The following ERAP1 variants were observed in gnomAD, a reference collection of about 807,000 sequenced individuals.
ERAP1 encodes endoplasmic reticulum aminopeptidase 1.
A neutral mutation model predicts 103.7 loss-of-function variants in ERAP1; 86 were observed. The observed-to-expected ratio is 0.83, with a 90% CI of 0.70 to 0.99. The LOEUF (loss-of-function observed/expected upper bound fraction) is 0.99. Among genes scored for constraint, ERAP1 ranks in the 50% least tolerant of loss-of-function variants. ERAP1 has a pLI of 0.00. For synonymous variants in ERAP1, 398 were observed against 402.4 expected, an observed-to-expected ratio of 0.99 and a Z score of 0.13; for missense variants, 1,009 against 1,128.4, an observed-to-expected ratio of 0.89 and a Z score of 1.52.
chr5:96,884,034 T>TTATC, the ERAP1 span: 79,462 of 602,084 alleles, frequency 0.13, 5,766 homozygotes, highest in East Asian at 0.22. Flanking sequence ...TAATTTGTTT[T>TTATC]TATCTATCTA....
At chr5:96,872,703 C>T in the ERAP1 span, among the ~76,000 whole-genome samples, 2 of 152,066 alleles carry the variant, frequency 1.3e-5, no homozygotes, top group South Asian at 2.1e-4. Flanking sequence ...AATTGATTCT[C>T]GGATTGACAA....
At chr5:96,801,097 G>T in intron 2 of ERAP1, 97 bp from the exon 3 acceptor site, 1 of 1,366,766 alleles carries the variant, frequency 7.3e-7, no homozygotes, top group Non-Finnish European at 1.0e-6. Context: ...CTATAAGATT[G>T]ATGGATTTTG....
intron 2 of ERAP1, among the ~76,000 whole-genome samples, chr5:96,801,204 T>C (rs1287926255): frequency 6.6e-6 from 1 of 152,190 alleles, no homozygotes; most frequent in African/African-American, 2.4e-5. Flanking sequence ...CCTGTAATCC[T>C]AACACATTTT....
chr5:96,818,447 A>C, the ERAP1 span, among the ~76,000 whole-genome samples: 1 of 143,688 alleles, frequency 7.0e-6, no homozygotes. Context: ...TTTTTCCTTT[A>C]TGTTCCCAGC....
intron 15 of ERAP1, among the ~76,000 whole-genome samples, chr5:96,782,578 T>C (rs1250765847): frequency 6.6e-6 from 1 of 152,174 alleles, no homozygotes; most frequent in African/African-American, 2.4e-5. Context: ...GGCATAAATG[T>C]TTCCTGGGTG....
the ERAP1 span, among the ~76,000 whole-genome samples, chr5:96,835,232 G>C: frequency 3.3e-5 from 5 of 152,308 alleles, no homozygotes; most frequent in South Asian, 4.1e-4. Context: ...TGGAGTTGTC[G>C]AGCTGGTTAT....
the ERAP1 span, chr5:96,886,722 C>G: frequency 6.4e-7 from 1 of 1,554,424 alleles, no homozygotes; most frequent in Non-Finnish European, 8.8e-7. Flanking sequence ...AAAATGAGTA[C>G]ATACCTTGTA....
the ERAP1 span, among the ~76,000 whole-genome samples, chr5:96,833,708 G>A: frequency 6.6e-6 from 1 of 151,692 alleles, no homozygotes; most frequent in Non-Finnish European, 1.5e-5. Context: ...TGAGGCAGGG[G>A]AATCGCTTGA....
chr5:96,864,857 A>G, the ERAP1 span, among the ~76,000 whole-genome samples: 1 of 152,136 alleles, frequency 6.6e-6, no homozygotes, highest in Non-Finnish European at 1.5e-5. Context: ...TTAAAACTAT[A>G]AAAATATTAT....
the ERAP1 span, chr5:96,875,939 C>A: frequency 6.6e-6 from 1 of 152,352 alleles, no homozygotes; most frequent in African/African-American, 2.4e-5. Context: ...GAAGTTGAAG[C>A]CCAACTCAAA....
chr5:96,839,304 T>TC, the ERAP1 span, among the ~76,000 whole-genome samples: 1 of 151,946 alleles, frequency 6.6e-6, no homozygotes, highest in Non-Finnish European at 1.5e-5. Flanking sequence ...CCAGCTCCCC[T>TC]CCCCACCACC....
chr5:96,762,719 A>G, exon 20 of ERAP1: 1 of 268,138 alleles, frequency 3.7e-6, no homozygotes, highest in Non-Finnish European at 7.0e-6. Context: ...TTTCTCCTTT[A>G]TATTTTTTCT....
the ERAP1 span, among the ~76,000 whole-genome samples, chr5:96,884,995 C>A: frequency 6.6e-6 from 1 of 152,182 alleles, no homozygotes; most frequent in Admixed American, 6.5e-5. Context: ...AGAACTTACA[C>A]TAATACCCCA....
chr5:96,795,787 G>GC (rs1777284770), intron 4 of ERAP1, among the ~76,000 whole-genome samples: 1 of 152,110 alleles, frequency 6.6e-6, no homozygotes, highest in African/African-American at 2.4e-5. Flanking sequence ...TTAGACTCAG[G>GC]CAACGTAAGC....
chr5:96,792,941 C>A (rs1260310022), intron 7 of ERAP1, among the ~76,000 whole-genome samples: 1 of 152,116 alleles, frequency 6.6e-6, no homozygotes, highest in East Asian at 1.9e-4. Context: ...AACCATATAG[C>A]AGTTCCAAAG....
At chr5:96,802,019 G>C (rs1778064976) in intron 2 of ERAP1, among the ~76,000 whole-genome samples, 1 of 151,952 alleles carries the variant, frequency 6.6e-6, no homozygotes, top group African/African-American at 2.4e-5. Flanking sequence ...AAATTAAAAA[G>C]AGATCATTTA....
the ERAP1 span, chr5:96,876,040 G>C: frequency 2.0e-5 from 3 of 152,450 alleles, no homozygotes; most frequent in Non-Finnish European, 4.4e-5. Flanking sequence ...TGGAAAATCT[G>C]AGAATAATCA....
chr5:96,774,862 C>T lies in ERAP1; in HGVS notation c.*1534G>A, dbSNP rs1211508135. On this transcript the variant is annotated 3_prime_UTR_variant, in exon 19 of 19. Transcript: ENST00000443439. ...GTTTAATAAATGGCAGATTTATGTC[C>T]AGAAGTCACTCTATTTTGTCGTGTA... 2 of 985,342 alleles carry T rather than the reference C, an allele frequency of 2.0e-6. No homozygotes were observed. Among genetic ancestry groups the T allele is most frequent in the Non-Finnish European group, 2.4e-6 (2 of 829,848 alleles). 61.0% of individuals were successfully genotyped at this position (985,342 alleles called of 1,614,324 possible). A position where few individuals can be genotyped will look rare whatever the true frequency, so the allele number is the denominator to read the frequency against.
the ERAP1 span, among the ~76,000 whole-genome samples, chr5:96,877,324 C>T: frequency 6.6e-6 from 1 of 152,110 alleles, no homozygotes; most frequent in Non-Finnish European, 1.5e-5. Context: ...GCCTTTACAA[C>T]CCTTACTAGT....
Sources: allele counts gnomAD v4.1 joint callset (sites outside exome capture counted in the v4.1 genomes callset), GRCh38; gene constraint gnomAD v4.1.1; transcripts MANE v1.5; gene names NCBI Gene and HGNC (gene_info 2026-07-23, HGNC 2026-07-21).